DMD: variants seen among roughly 807,000 people sequenced by gnomAD.
The protein encoded by DMD is mutant dystrophin.
A neutral mutation model predicts 330.1 loss-of-function variants in DMD; 63 were observed. That is an observed-to-expected ratio of 0.19 (90% CI 0.16 to 0.24). The LOEUF is 0.24. DMD is among the 10% of genes least tolerant of loss of function. The pLI is 1.00. For missense variants in DMD, 3,344 were observed against 2,684.1 expected (o/e 1.25, Z -5.43); for synonymous variants, 1,223 against 959.8 (o/e 1.27, Z -5.07).
intron 50 of DMD, among the ~76,000 whole-genome samples, chrX:31,812,432 G>T (rs1463081866): frequency 2.3e-4 from 16 of 68,416 alleles, no homozygotes; most frequent in African/African-American, 8.6e-4. Flanking sequence ...TGGGGGGAGG[G>T]GGGAGGGATA....
chrX:32,850,509 T>C (rs1381862929), intron 2 of DMD, among the ~76,000 whole-genome samples: 4 of 111,911 alleles, frequency 3.6e-5, no homozygotes, highest in Non-Finnish European at 7.5e-5. Flanking sequence ...ATAACCGTTG[T>C]GGCATTTCTG....
intron 21 of DMD, among the ~76,000 whole-genome samples, chrX:32,477,110 C>A (rs1170324073): frequency 9.0e-6 from 1 of 111,010 alleles, no homozygotes; most frequent in African/African-American, 3.3e-5. Flanking sequence ...ATTCCTATGA[C>A]AGTTTCTACT....
At chrX:32,982,309 C>T (rs2092726012) in intron 2 of DMD, among the ~76,000 whole-genome samples, 2 of 111,586 alleles carry the variant, frequency 1.8e-5, no homozygotes, top group Admixed American at 9.6e-5. Context: ...ACAGATCAAC[C>T]AACCTAGCAC....
At chrX:31,270,635 C>G (rs994783189) in intron 62 of DMD, among the ~76,000 whole-genome samples, 38 of 111,939 alleles carry the variant, frequency 3.4e-4, no homozygotes, top group Non-Finnish European at 3.8e-4. Context: ...AATGGGCAAA[C>G]TGGAAAGGGC....
intron 11 of DMD, among the ~76,000 whole-genome samples, chrX:32,628,054 T>C (rs1430534600): frequency 6.4e-5 from 7 of 109,135 alleles, no homozygotes; most frequent in Admixed American, 4.0e-4. Context: ...ACATTCCAAT[T>C]ATACTTTTTG....
intron 52 of DMD, among the ~76,000 whole-genome samples, chrX:31,705,779 T>G (rs754521412): frequency 1.9e-4 from 21 of 111,850 alleles, no homozygotes; most frequent in African/African-American, 6.5e-4. Flanking sequence ...AAATGTAATA[T>G]AGACAGTTTG....
intron 1 of DMD, among the ~76,000 whole-genome samples, chrX:33,287,189 A>T (rs1361469260): frequency 9.0e-6 from 1 of 111,730 alleles, no homozygotes. Context: ...TTTTCACTCA[A>T]TATTATATAT....
chrX:32,711,990 C>T (rs1279212719), intron 7 of DMD, among the ~76,000 whole-genome samples: 1 of 111,668 alleles, frequency 9.0e-6, no homozygotes, highest in African/African-American at 3.3e-5. Flanking sequence ...AAAGACTTTT[C>T]CAAGAAGGTA....
At chrX:32,483,412 A>G (rs1336512412) in intron 21 of DMD, among the ~76,000 whole-genome samples, 1 of 107,300 alleles carries the variant, frequency 9.3e-6, no homozygotes, top group Non-Finnish European at 1.9e-5. Flanking sequence ...ATATATTATT[A>G]CGTATTTATA....
intron 2 of DMD, among the ~76,000 whole-genome samples, chrX:32,998,962 G>A (rs1167619065): frequency 8.9e-6 from 1 of 111,753 alleles, no homozygotes; most frequent in Non-Finnish European, 1.9e-5. Context: ...GAAGCTTTAG[G>A]ACACTTTTCC....
At chrX:31,289,899 T>TTTA (rs200740564) in intron 62 of DMD, among the ~76,000 whole-genome samples, 2,821 of 93,510 alleles carry the variant, frequency 0.03, 63 homozygotes, top group South Asian at 0.054. Flanking sequence ...TATTATTCTG[T>TTTA]TTATTATTAT....
intron 7 of DMD, among the ~76,000 whole-genome samples, chrX:32,706,969 G>C (rs190761502): frequency 9.0e-6 from 1 of 110,643 alleles, no homozygotes; most frequent in Admixed American, 9.6e-5. Flanking sequence ...GTGCATGCCT[G>C]TAATCCCACC....
At chrX:31,284,856 A>ACACACC (rs1569517129) in intron 62 of DMD, among the ~76,000 whole-genome samples, 1 of 106,952 alleles carries the variant, frequency 9.3e-6, no homozygotes, top group Non-Finnish European at 1.9e-5. Context: ...ACACACACAC[A>ACACACC]CACACACCCA....
rs368078533 is a variant in DMD, at chrX:33,265,329, T to C, written c.7+73930A>G. 2.1e-4 allele frequency among the ~76,000 whole-genome samples: 23 copies of C among 111,185 alleles called. 1 individual carries two copies. The highest frequency in any genetic ancestry group is 5.9e-4 in the African/African-American group (18 of 30,728). Reference sequence around the variant, plus strand: ...CATGAAATCTCCAAAAGTCAAAAGATGCCATTATTACAACACTCTAGAGGT... The same window carrying C: ...CATGAAATCTCCAAAAGTCAAAAGACGCCATTATTACAACACTCTAGAGGT... On this transcript the variant is annotated intron_variant, in intron 1 of 17. Coordinates refer to the DMD transcript ENST00000288447.
chrX:32,712,647 A>G (rs2147796825), intron 7 of DMD, among the ~76,000 whole-genome samples: 1 of 111,388 alleles, frequency 9.0e-6, no homozygotes, highest in African/African-American at 3.3e-5. Flanking sequence ...CATAATATGT[A>G]GCCACTTTTA....
intron 53 of DMD, among the ~76,000 whole-genome samples, chrX:31,661,128 T>G (rs967582051): frequency 1.8e-5 from 2 of 112,078 alleles, no homozygotes; most frequent in African/African-American, 6.5e-5. Flanking sequence ...TGATGTACTT[T>G]AATGCTTGAA....
rs781118429 is a variant in DMD, at chrX:31,561,543, T to C, written c.8218-54090A>G. Reference sequence around the variant, plus strand: ...GCTAGTTACAGACTCAAGTTTACCATTAGTATATAATAGCTATAACACTTG... The same window carrying C: ...GCTAGTTACAGACTCAAGTTTACCACTAGTATATAATAGCTATAACACTTG... On this transcript the variant is annotated intron_variant, in intron 55 of 78. Coordinates refer to ENST00000357033, the MANE Select transcript of DMD (RefSeq NM_004006.3). 1.3e-4 allele frequency among the ~76,000 whole-genome samples: 15 copies of C among 112,164 alleles called. No homozygotes were observed. The East Asian group carries it at 3.9e-3, about 29-fold the overall frequency.
intron 60 of DMD, among the ~76,000 whole-genome samples, chrX:31,428,958 AAAAAT>A (rs919702039): frequency 9.1e-6 from 1 of 110,277 alleles, no homozygotes. Context: ...CGTCTCTACT[AAAAAT>A]AAAAAAAAAC....
chrX:32,101,510 T>A (rs2148103907), intron 44 of DMD, among the ~76,000 whole-genome samples: 1 of 112,168 alleles, frequency 8.9e-6, no homozygotes, highest in South Asian at 3.7e-4. Flanking sequence ...CCCTTGCAAT[T>A]GGTTCCCAGA....
Sources: allele counts gnomAD v4.1 joint callset (sites outside exome capture counted in the v4.1 genomes callset), GRCh38; gene constraint gnomAD v4.1.1; transcripts MANE v1.5; gene names NCBI Gene and HGNC (gene_info 2026-07-23, HGNC 2026-07-21).